MTMR3: variants seen among roughly 807,000 people sequenced by gnomAD.
The protein encoded by MTMR3 is phosphatidylinositol-3,5-bisphosphate 3-phosphatase MTMR3.
Under a neutral mutation model 132.4 loss-of-function variants are expected in MTMR3, and 32 were observed. The observed-to-expected ratio is 0.24, with a 90% CI of 0.18 to 0.32. The LOEUF (loss-of-function observed/expected upper bound fraction) is 0.32, where lower values mean the gene tolerates loss of function less well. Ranked by LOEUF, MTMR3 falls within the 10% of genes least tolerant of loss-of-function variation. The probability of loss-of-function intolerance (pLI) is 1.00; values close to 1 mark genes in which losing one functional copy is unlikely to be tolerated. For missense variants in MTMR3, 1,216 were observed against 1,489.6 expected (o/e 0.82, Z 3.02); for synonymous variants, 556 against 550.3 (o/e 1.01, Z -0.14).
chr22:29,995,915 T>A (rs557113989), intron 7 of MTMR3: 2 of 152,394 alleles, frequency 1.3e-5, no homozygotes, highest in African/African-American at 4.8e-5. Context: ...TCATGAAATC[T>A]AATTTTAAAG....
chr22:30,026,856 ACAAT>A lies in MTMR3; in HGVS notation c.*1058_*1061del, dbSNP rs1303265667. The A allele has an allele frequency of 2.0e-5, 3 of 152,908 alleles. No homozygotes were observed. In the East Asian group the frequency reaches 5.6e-4, roughly 29 times the overall value. 9.5% of individuals were successfully genotyped at this position (152,908 alleles called of 1,614,324 possible). A position where few individuals can be genotyped will look rare whatever the true frequency, so the allele number is the denominator to read the frequency against. On this transcript the variant is annotated 3_prime_UTR_variant, in exon 20 of 20. Coordinates refer to ENST00000401950, the MANE Select transcript of MTMR3 (RefSeq NM_021090.4). ...CCCTGGAAAAGGGAGCAGGTCCCAT[ACAAT>A]CAGCCTTTCTCCTCTTCTCTTCTTG...
At chr22:30,018,129 G>T in intron 16 of MTMR3, 57 bp downstream of exon 16, 1 of 1,522,044 alleles carries the variant, frequency 6.6e-7, no homozygotes. Flanking sequence ...TTCCTGTGTT[G>T]GGACGTGTGC....
chr22:30,004,343 G>A (rs977187217), intron 9 of MTMR3: 1 of 152,330 alleles, frequency 6.6e-6, no homozygotes, highest in Non-Finnish European at 1.5e-5. Flanking sequence ...AGCAGCCCTG[G>A]CATCTGTGGG....
intron 5 of MTMR3, chr22:29,980,829 C>A (rs2066726779): frequency 6.6e-6 from 1 of 152,242 alleles, no homozygotes; most frequent in African/African-American, 2.4e-5. Flanking sequence ...TTCAGTGTTT[C>A]TTCACTACTT....
chr22:29,991,201 A>G (rs566627971), intron 6 of MTMR3: 1 of 186,210 alleles, frequency 5.4e-6, no homozygotes, highest in East Asian at 1.3e-4. Flanking sequence ...AACTCCACTC[A>G]TGAAAGAGAA....
chr22:29,953,967 A>G (rs1247905358), intron 1 of MTMR3, among the ~76,000 whole-genome samples: 2 of 150,894 alleles, frequency 1.3e-5, no homozygotes, highest in Non-Finnish European at 2.9e-5. Flanking sequence ...AGGTATATAC[A>G]TGACTGGTAT....
chr22:30,008,600 C>G (rs2067329646), intron 11 of MTMR3: 1 of 168,964 alleles, frequency 5.9e-6, no homozygotes, highest in East Asian at 1.7e-4. Context: ...CAGATGTGGT[C>G]TAAGCTGGAA....
rs1468021917 is a variant in MTMR3, at chr22:29,914,769, G to GT, written c.-138+31411dup. ...ACACTTCAAATTAATACTGAGAGAA[G>GT]TAAGTGTAGGGTTGCCTTTTTGTAT... On this transcript the variant is annotated intron_variant, in intron 1 of 19. Transcript: ENST00000401950. Among the ~76,000 whole-genome samples, 6 of 152,298 alleles carry GT rather than the reference G, an allele frequency of 3.9e-5. No individual in the cohort carries two copies. In the South Asian group the frequency reaches 1.0e-3, roughly 26 times the overall value.
chr22:30,012,808 A>G lies in MTMR3; in HGVS notation c.1317+245A>G, dbSNP rs562351548. ...ATAGACATATTTTCCTTTACAGTCT[A>G]TCTACTTGTAAAAGTTTTTAGCTAC... On this transcript the variant is annotated intron_variant, in intron 13 of 19. Transcript: ENST00000401950. The G allele has an allele frequency of 9.3e-5, 34 of 364,160 alleles. No homozygotes were observed. In the East Asian group the frequency reaches 1.5e-3, roughly 16 times the overall value. The allele number at this position is 364,160 out of a possible 1,614,324, so 22.6% of individuals were successfully genotyped here.
At chr22:29,937,216 T>C (rs1398277794) in intron 1 of MTMR3, among the ~76,000 whole-genome samples, 1 of 152,130 alleles carries the variant, frequency 6.6e-6, no homozygotes, top group East Asian at 1.9e-4. Context: ...GAATCTTATT[T>C]CTCTGGAGGA....
chr22:29,905,028 A>T (rs1246703956), intron 1 of MTMR3, among the ~76,000 whole-genome samples: 2 of 152,194 alleles, frequency 1.3e-5, no homozygotes, highest in Non-Finnish European at 1.5e-5. Context: ...ATCCTCTGTT[A>T]TGGTTCTTAG....
intron 1 of MTMR3, among the ~76,000 whole-genome samples, chr22:29,915,813 C>T (rs76862617): frequency 1.3e-5 from 2 of 151,970 alleles, no homozygotes; most frequent in African/African-American, 4.8e-5. Context: ...ACCATTTTGC[C>T]ATTTGTTTTC....
chr22:29,962,567 A>G (rs2066332939), intron 2 of MTMR3, among the ~76,000 whole-genome samples: 1 of 152,072 alleles, frequency 6.6e-6, no homozygotes, highest in African/African-American at 2.4e-5. Context: ...GCTACTCTGG[A>G]GGCTGAGGCA....
In MTMR3 at chr22:30,030,287, T is replaced by C. The variant is rs1260168895; in HGVS notation, c.*4486T>C. The C allele has an allele frequency of 2.0e-5, 3 of 152,350 alleles. No homozygotes were observed. The highest frequency in any genetic ancestry group is 4.4e-5 in the Non-Finnish European group (3 of 68,044). 9.4% of individuals were successfully genotyped at this position (152,350 alleles called of 1,614,324 possible). Reference sequence around the variant, plus strand: ...ATTTGAATTGTATTTTCAGTGAAATTTGTTTTACATTGCCATTTAAAATTG... The same window carrying C: ...ATTTGAATTGTATTTTCAGTGAAATCTGTTTTACATTGCCATTTAAAATTG... On this transcript the variant is annotated 3_prime_UTR_variant, in exon 20 of 20. Coordinates refer to ENST00000401950, the MANE Select transcript of MTMR3 (RefSeq NM_021090.4).
intron 2 of MTMR3, among the ~76,000 whole-genome samples, chr22:29,957,551 C>T (rs769750863): frequency 8.6e-5 from 13 of 151,914 alleles, no homozygotes; most frequent in Non-Finnish European, 1.8e-4. Context: ...CCCTGGGCTA[C>T]AGCAATCCTC....
chr22:29,970,597 G>A (rs1315436957), intron 2 of MTMR3, among the ~76,000 whole-genome samples: 1 of 142,488 alleles, frequency 7.0e-6, no homozygotes, highest in Non-Finnish European at 1.5e-5. Flanking sequence ...CTCAGCCTTC[G>A]AAAGTGCTGG....
intron 7 of MTMR3, chr22:29,995,591 G>A (rs552175291): frequency 6.6e-6 from 1 of 152,232 alleles, no homozygotes; most frequent in East Asian, 1.9e-4. Context: ...TTTATTATAA[G>A]AAACACTAAA....
intron 1 of MTMR3, among the ~76,000 whole-genome samples, chr22:29,933,093 C>G (rs964807385): frequency 2.0e-5 from 3 of 152,050 alleles, no homozygotes; most frequent in African/African-American, 7.2e-5. Context: ...TTCAGCCTCC[C>G]TAGTAGCTGG....
At chr22:29,889,593 G>A (rs5752977) in intron 1 of MTMR3, among the ~76,000 whole-genome samples, 140,284 of 152,116 alleles carry the variant, frequency 0.92, 64,754 homozygotes, top group East Asian at 1. Flanking sequence ...GGCCCAGAAC[G>A]GTTTTAGTGT....
Sources: allele counts gnomAD v4.1 joint callset (sites outside exome capture counted in the v4.1 genomes callset), GRCh38; gene constraint gnomAD v4.1.1; transcripts MANE v1.5; gene names NCBI Gene and HGNC (gene_info 2026-07-23, HGNC 2026-07-21).